The following SCN3A variants were observed in gnomAD, a reference collection of about 807,000 sequenced individuals.
SCN3A encodes sodium channel protein type 3 subunit alpha.
A neutral mutation model predicts 187.6 loss-of-function variants in SCN3A; 60 were observed. The observed-to-expected ratio is 0.32, with a 90% CI of 0.26 to 0.40. The LOEUF (loss-of-function observed/expected upper bound fraction) is 0.40. SCN3A is among the 10% of genes least tolerant of loss of function. SCN3A has a pLI of 1.00. For missense variants in SCN3A, 1,601 were observed against 2,428.2 expected (o/e 0.66, Z 7.16); for synonymous variants, 788 against 829.2 (o/e 0.95, Z 0.85).
chr2:165,106,829 A>C (rs1269455357), intron 21 of SCN3A, among the ~76,000 whole-genome samples: 1 of 152,194 alleles, frequency 6.6e-6, no homozygotes, highest in Non-Finnish European at 1.5e-5. Context: ...GGTCTTCCGA[A>C]AACATTTATT....
rs1425034883 is a variant in SCN3A at position 165,088,260 on chromosome 2, A to C, written c.*1890T>G. On this transcript the variant is annotated 3_prime_UTR_variant, in exon 28 of 28. Coordinates refer to ENST00000283254, the MANE Select transcript of SCN3A (RefSeq NM_006922.4). ...ACACTACAGTAAATAGTTTTGTAAA[A>C]AGAATTAACATTAAACTTTTGGTTT... The C allele has an allele frequency of 1.3e-5, 2 of 152,558 alleles. No individual in the cohort carries two copies. The highest frequency in any genetic ancestry group is 2.9e-5 in the Non-Finnish European group (2 of 67,968). 9.5% of individuals were successfully genotyped at this position (152,558 alleles called of 1,614,324 possible). A position where few individuals can be genotyped will look rare whatever the true frequency, so the allele number is the denominator to read the frequency against.
rs781302585 is a variant in SCN3A, at chr2:165,095,540, T to C, written c.4402A>G (p.Ile1468Val). ...TTTTTCTGCTGGTTGAAGTTATCTA[T>C]GATGACACCAATGAATAGATTCAGA... is the stretch of plus-strand genomic sequence containing the variant. ...FTLNLFIGVI[I>V]DNFNQQKKKF... The change falls in exon 25 of 28, where the codon ATA becomes GTA. Residue 1468 changes from isoleucine (I) to valine (V), a missense_variant. Transcript: ENST00000283254. The C allele has an allele frequency of 6.2e-7, 1 of 1,612,288 alleles. No individual in the cohort carries two copies. The highest frequency in any genetic ancestry group is 1.7e-5 in the Admixed American group (1 of 60,002).
At chr2:165,099,225 C>A (rs1283526209) in intron 22 of SCN3A, among the ~76,000 whole-genome samples, 1 of 152,164 alleles carries the variant, frequency 6.6e-6, no homozygotes, top group Non-Finnish European at 1.5e-5. Context: ...CATGCACTCA[C>A]AAGCCAGATT....
intron 20 of SCN3A, 110 bp from the exon 21 acceptor site, chr2:165,113,168 T>C: frequency 1.2e-6 from 1 of 826,158 alleles, no homozygotes; most frequent in African/African-American, 1.7e-5. Flanking sequence ...ATTATTGATA[T>C]TTTACATAAA....
At chr2:165,096,103 G>C (rs1685353493) in intron 24 of SCN3A, among the ~76,000 whole-genome samples, 1 of 151,972 alleles carries the variant, frequency 6.6e-6, no homozygotes. Context: ...AAACTTGCTT[G>C]CTTTTCTGTA....
At chr2:165,100,153 G>T in intron 22 of SCN3A, 149 bp downstream of exon 22, 1 of 923,710 alleles carries the variant, frequency 1.1e-6, no homozygotes. Context: ...TCCAGTTTCA[G>T]AAGGCTAGGC....
intron 1 of SCN3A, among the ~76,000 whole-genome samples, chr2:165,187,065 C>T (rs1174427895): frequency 6.6e-6 from 1 of 152,104 alleles, no homozygotes; most frequent in Non-Finnish European, 1.5e-5. Flanking sequence ...TTCCCTCTTG[C>T]TTCCTTCTCT....
rs1685408661 is a variant in SCN3A at position 165,097,395 on chromosome 2, T to C, written c.4096A>G (p.Asn1366Asp). 1 of 1,614,114 alleles carries C rather than the reference T, an allele frequency of 6.2e-7. No individual in the cohort carries two copies. Among genetic ancestry groups the C allele is most frequent in the Non-Finnish European group, 8.5e-7 (1 of 1,179,992 alleles). Residue 1366 changes from asparagine to aspartate, a missense_variant, in exon 23 of 28, where the codon AAC (asparagine) becomes GAC (aspartate). Physicochemically the swap from Asn to Asp is conservative, Grantham distance 23. Transcript: ENST00000283254. ...TCAAACATGTTACCCGTTGTCATGT[T>C]AACACAGTGGTAGAACTTGCCAGCA... ...LFAGKFYHCVNMTTGNMFDIS... is the reference protein window; with the variant it reads ...LFAGKFYHCVDMTTGNMFDIS...
chr2:165,197,038 AC>A (rs1692007882), intron 1 of SCN3A, among the ~76,000 whole-genome samples: 1 of 152,142 alleles, frequency 6.6e-6, no homozygotes, highest in Admixed American at 6.6e-5. Flanking sequence ...TGCAAAATAT[AC>A]CATAACCAGT....
chr2:165,125,390 G>A lies in SCN3A; in HGVS notation c.3393+2241C>T, dbSNP rs143404037. Among the ~76,000 whole-genome samples the A allele has an allele frequency of 6.6e-3, 998 of 151,782 alleles. 16 individuals are homozygous for A. Among genetic ancestry groups the A allele is most frequent in the African/African-American group, 0.023 (933 of 41,378 alleles). On this transcript the variant is annotated intron_variant, in intron 18 of 27. Transcript: ENST00000283254. ...GCAATCTCCGCTCACTGCAAGCTCCGCCTACCGGGTTCACACCATTCTCCC... is the reference window on the plus strand; with the variant it reads ...GCAATCTCCGCTCACTGCAAGCTCCACCTACCGGGTTCACACCATTCTCCC...
rs1685153189 is a variant in SCN3A at position 165,092,467 on chromosome 2, T to C, written c.4594A>G (p.Ile1532Val). ...ATGTTGAGGCAGATGAGGATCATGATGCTGATATCAAAGACTTGTCTGGTT... is the reference window on the plus strand; with the variant it reads ...ATGTTGAGGCAGATGAGGATCATGACGCTGATATCAAAGACTTGTCTGGTT... Reference protein sequence around the residue: ...FVTRQVFDISIMILICLNMVT... With the variant: ...FVTRQVFDISVMILICLNMVT... Residue 1532 changes from isoleucine (I) to valine (V), a missense_variant, in exon 27 of 28, where the codon ATC becomes GTC. Ile to Val is a conservative substitution (Grantham distance 29). Coordinates refer to ENST00000283254, the MANE Select transcript of SCN3A (RefSeq NM_006922.4). The surrounding 1 kb of genome is among the most constrained non-coding windows in gnomAD (Gnocchi z 4.2). The C allele has an allele frequency of 6.2e-7, 1 of 1,613,936 alleles. No homozygotes were observed. Among genetic ancestry groups the C allele is most frequent in the African/African-American group, 1.3e-5 (1 of 75,038 alleles).
Position 165,158,451 on chromosome 2 carries a change from G to A in SCN3A, c.1032-2548C>T, listed in dbSNP as rs1412886081. On this transcript the variant is annotated intron_variant, in intron 9 of 27. Coordinates refer to ENST00000283254, the MANE Select transcript of SCN3A (RefSeq NM_006922.4). ...GTATATATTAAGATTCACTCTTTGT[G>A]TTATAAAGGTCTATGAGTTTTAACA... Among the ~76,000 whole-genome samples, 2 of 135,694 alleles carry A rather than the reference G, an allele frequency of 1.5e-5. 1 individual carries two copies. Among genetic ancestry groups the A allele is most frequent in the African/African-American group, 6.1e-5 (2 of 33,034 alleles). The allele number at this position is 135,694 out of a possible 152,430, so 89.0% of individuals were successfully genotyped here.
intron 26 of SCN3A, chr2:165,093,177 A>G (rs1685197762): frequency 1.3e-5 from 2 of 152,278 alleles, no homozygotes; most frequent in Admixed American, 6.6e-5. Flanking sequence ...ACAAAGATTT[A>G]CAAAGCAGGT....
chr2:165,174,005 T>C (rs1457251657), intron 3 of SCN3A, among the ~76,000 whole-genome samples: 20 of 152,178 alleles, frequency 1.3e-4, no homozygotes. Context: ...CAGACTCACA[T>C]TAACCAAACT....
intron 1 of SCN3A, among the ~76,000 whole-genome samples, chr2:165,190,742 C>A (rs1281782606): frequency 6.6e-6 from 1 of 150,780 alleles, no homozygotes; most frequent in Non-Finnish European, 1.5e-5. Flanking sequence ...CCATTTTTTT[C>A]TCAAGGACTA....
At chr2:165,120,300 T>G (rs1293760001) in intron 18 of SCN3A, among the ~76,000 whole-genome samples, 1 of 151,746 alleles carries the variant, frequency 6.6e-6, no homozygotes, top group African/African-American at 2.4e-5. Flanking sequence ...TAAGAAACAA[T>G]AGAGTTAACA....
chr2:165,092,619 G>T lies in SCN3A; in HGVS notation c.4537-95C>A. 8.7e-7 allele frequency: 1 copy of T among 1,153,680 alleles called. No individual in the cohort carries two copies. Among genetic ancestry groups the T allele is most frequent in the East Asian group, 2.5e-5 (1 of 39,946 alleles). The allele number at this position is 1,153,680 out of a possible 1,614,324, so 71.5% of individuals were successfully genotyped here. A position where few individuals can be genotyped will look rare whatever the true frequency, so the allele number is the denominator to read the frequency against. On this transcript the variant is annotated intron_variant, in intron 26 of 27. Transcript: ENST00000283254. The surrounding 1 kb of genome is among the most constrained non-coding windows in gnomAD (Gnocchi z 4.2). Reference sequence around the variant, plus strand: ...GATAAAGCCCTTCCACATACGGGATGGATGTGCACCCTCCTCATATTACCC... The same window carrying T: ...GATAAAGCCCTTCCACATACGGGATTGATGTGCACCCTCCTCATATTACCC...
intron 1 of SCN3A, among the ~76,000 whole-genome samples, chr2:165,196,593 C>G (rs564594121): frequency 2.6e-5 from 4 of 152,034 alleles, no homozygotes; most frequent in Non-Finnish European, 5.9e-5. Flanking sequence ...GGGGTGTTAA[C>G]CCAGGAAATG....
At chr2:165,147,742 T>C (rs2105837951) in intron 11 of SCN3A, among the ~76,000 whole-genome samples, 1 of 152,356 alleles carries the variant, frequency 6.6e-6, no homozygotes, top group East Asian at 1.9e-4. Flanking sequence ...TTATGAGAAC[T>C]GCTTCAAATA....
Sources: allele counts gnomAD v4.1 joint callset (sites outside exome capture counted in the v4.1 genomes callset), GRCh38; gene constraint gnomAD v4.1.1; non-coding constraint Gnocchi (gnomAD v3.1); transcripts MANE v1.5; gene names NCBI Gene and HGNC (gene_info 2026-07-23, HGNC 2026-07-21).